Variants in LIN28B observed in about 807,000 individuals in gnomAD.
The protein encoded by LIN28B is protein lin-28 homolog B.
A neutral mutation model predicts 21.9 loss-of-function variants in LIN28B; 5 were observed. That is an observed-to-expected ratio of 0.23 (90% confidence interval 0.12 to 0.48). The LOEUF (loss-of-function observed/expected upper bound fraction) is 0.48, where lower values mean the gene tolerates loss of function less well. LIN28B is among the 20% of genes least tolerant of loss of function. The pLI is 0.98. For missense variants in LIN28B, 245 were observed against 310.5 expected, an observed-to-expected ratio of 0.79 and a Z score of 1.58; for synonymous variants, 109 against 111.3, an observed-to-expected ratio of 0.98 and a Z score of 0.13.
intron 3 of LIN28B, among the ~76,000 whole-genome samples, chr6:105,042,012 C>T (rs995324219): frequency 2.0e-5 from 3 of 152,110 alleles, no homozygotes; most frequent in Admixed American, 2.0e-4. Context: ...ATAGAATTCC[C>T]AGCAATTCTC....
chr6:105,063,801 C>A (rs553047420), intron 3 of LIN28B, among the ~76,000 whole-genome samples: 1 of 150,684 alleles, frequency 6.6e-6, no homozygotes, highest in East Asian at 1.9e-4. Context: ...ATGAATAACC[C>A]CTGCAGTCCA....
intron 3 of LIN28B, among the ~76,000 whole-genome samples, chr6:105,032,024 A>G (rs1235335081): frequency 6.6e-6 from 1 of 152,196 alleles, no homozygotes; most frequent in Non-Finnish European, 1.5e-5. Context: ...AAGTGGAATC[A>G]TACAGTGTGT....
intron 2 of LIN28B, among the ~76,000 whole-genome samples, chr6:104,971,226 A>G (rs922387819): frequency 6.6e-6 from 1 of 152,142 alleles, no homozygotes; most frequent in Non-Finnish European, 1.5e-5. Flanking sequence ...ACTTTTAAGA[A>G]TACTGTATAG....
chr6:105,014,275 G>A (rs1770982387), intron 2 of LIN28B, among the ~76,000 whole-genome samples: 2 of 152,012 alleles, frequency 1.3e-5, no homozygotes, highest in Non-Finnish European at 2.9e-5. Flanking sequence ...AGCCTCCCAG[G>A]TATCTGGGAA....
intron 2 of LIN28B, among the ~76,000 whole-genome samples, chr6:104,998,018 C>A (rs1002716543): frequency 5.9e-5 from 9 of 152,120 alleles, no homozygotes; most frequent in African/African-American, 1.9e-4. Flanking sequence ...GTTTTAAACC[C>A]TTTTATGCTG....
At chr6:105,046,229 A>G (rs1219060403) in intron 3 of LIN28B, among the ~76,000 whole-genome samples, 1 of 151,572 alleles carries the variant, frequency 6.6e-6, no homozygotes, top group African/African-American at 2.4e-5. Context: ...AAGTGTTCTC[A>G]TTGTTCAATT....
chr6:104,956,707 A>G (rs898082754), upstream of LIN28B, among the ~76,000 whole-genome samples: 3 of 152,104 alleles, frequency 2.0e-5, no homozygotes, highest in African/African-American at 7.2e-5. Context: ...TCTTAAGGGG[A>G]AAAAAAGCGT....
intron 3 of LIN28B, among the ~76,000 whole-genome samples, chr6:105,046,263 A>G (rs1028747413): frequency 6.6e-6 from 1 of 151,776 alleles, no homozygotes; most frequent in Non-Finnish European, 1.5e-5. Context: ...GAGAACATGC[A>G]GTGTTTGGTT....
chr6:105,049,992 C>A (rs567015207), intron 3 of LIN28B, among the ~76,000 whole-genome samples: 1 of 152,092 alleles, frequency 6.6e-6, no homozygotes, highest in Non-Finnish European at 1.5e-5. Context: ...GAGCATTTAG[C>A]CCATTTACAT....
intron 3 of LIN28B, among the ~76,000 whole-genome samples, chr6:105,027,484 ATGTT>A (rs1408489866): frequency 2.0e-5 from 3 of 151,594 alleles, no homozygotes; most frequent in African/African-American, 7.3e-5. Context: ...TTCTATTGAG[ATGTT>A]TGTTTGTTAT....
chr6:104,958,180 C>G lies in LIN28B; in HGVS notation c.92C>G (p.Thr31Ser). The change falls in exon 2 of 4, where the codon ACT becomes AGT. Residue 31 changes from threonine (T) to serine (S), a missense_variant. Coordinates refer to ENST00000345080, the MANE Select transcript of LIN28B (RefSeq NM_001004317.4). The part of the protein sequence containing the change: ...AEEESQVLRG[T>S]GHCKWFNVRM... ...GAGGAATCCCAGGTTTTGCGCGGAACTGGCCACTGTAAGTGGTTCAATGTG... is the reference window on the plus strand; with the variant it reads ...GAGGAATCCCAGGTTTTGCGCGGAAGTGGCCACTGTAAGTGGTTCAATGTG... 6.2e-7 allele frequency: 1 copy of G among 1,609,072 alleles called. No individual in the cohort carries two copies. Among genetic ancestry groups the G allele is most frequent in the Non-Finnish European group, 8.5e-7 (1 of 1,176,076 alleles).
chr6:104,956,847 G>T, upstream of LIN28B, among the ~76,000 whole-genome samples: 1 of 152,144 alleles, frequency 6.6e-6, no homozygotes, highest in East Asian at 1.9e-4. Context: ...CCTCCATTGT[G>T]TTTAAGTAGA....
chr6:105,001,696 G>A lies in LIN28B; in HGVS notation c.199-24602G>A, dbSNP rs114427146. Among the ~76,000 whole-genome samples, 1,303 of 152,200 alleles carry A rather than the reference G, an allele frequency of 8.6e-3. 18 individuals carry two copies. Among genetic ancestry groups the A allele is most frequent in the African/African-American group, 0.03 (1,244 of 41,516 alleles). On this transcript the variant is annotated intron_variant, in intron 2 of 3. Transcript: ENST00000345080. ...GGGAAGACAAGGAGAAAGAAGTTATGGGGAAATGTGCTAATGAAAATATCA... is the reference window on the plus strand; with the variant it reads ...GGGAAGACAAGGAGAAAGAAGTTATAGGGAAATGTGCTAATGAAAATATCA...
intron 3 of LIN28B, among the ~76,000 whole-genome samples, chr6:105,027,248 C>G (rs1409208601): frequency 6.6e-6 from 1 of 152,046 alleles, no homozygotes; most frequent in Admixed American, 6.6e-5. Context: ...TTCTAAACTA[C>G]TCTCCAGAAA....
intron 3 of LIN28B, among the ~76,000 whole-genome samples, chr6:105,042,441 TTA>T (rs1771657288): frequency 6.6e-6 from 1 of 152,192 alleles, no homozygotes; most frequent in African/African-American, 2.4e-5. Context: ...TGTTATTTGT[TTA>T]TATGTTTCTT....
At chr6:105,075,111 A>C (rs982723497) in intron 3 of LIN28B, among the ~76,000 whole-genome samples, 2 of 152,226 alleles carry the variant, frequency 1.3e-5, no homozygotes, top group African/African-American at 2.4e-5. Flanking sequence ...ATGTTGGACT[A>C]TGGGAATATA....
chr6:105,042,357 T>C (rs1277364756), intron 3 of LIN28B, among the ~76,000 whole-genome samples: 1 of 152,192 alleles, frequency 6.6e-6, no homozygotes. Flanking sequence ...ACTTCCTTCA[T>C]TGGAAGGCCT....
intron 3 of LIN28B, among the ~76,000 whole-genome samples, chr6:105,050,730 A>G (rs928357254): frequency 6.6e-6 from 1 of 150,486 alleles, no homozygotes; most frequent in East Asian, 1.9e-4. Context: ...GTTATTTTAC[A>G]ATGTTTTACA....
chr6:105,078,138 G>GAC (rs1772471726), intron 3 of LIN28B, among the ~76,000 whole-genome samples: 1 of 152,018 alleles, frequency 6.6e-6, no homozygotes, highest in African/African-American at 2.4e-5. Flanking sequence ...TTTCTATATG[G>GAC]AAGTGATTAA....
Sources: allele counts gnomAD v4.1 joint callset (sites outside exome capture counted in the v4.1 genomes callset), GRCh38; gene constraint gnomAD v4.1.1; transcripts MANE v1.5; gene names NCBI Gene and HGNC (gene_info 2026-07-23, HGNC 2026-07-21).